Variants in ABL1 observed in about 807,000 individuals in gnomAD.
ABL1 encodes the protein ABL proto-oncogene 1, non-receptor tyrosine kinase.
A neutral mutation model predicts 94.7 loss-of-function variants in ABL1; 11 were observed. The ratio of observed to expected loss-of-function variants is 0.12; its 90% CI spans 0.07 to 0.19. ABL1 has a LOEUF of 0.19. Among genes scored for constraint, ABL1 ranks in the 10% least tolerant of loss-of-function variants. The probability of loss-of-function intolerance (pLI) is 1.00; values close to 1 mark genes in which losing one functional copy is unlikely to be tolerated. For synonymous variants in ABL1, 656 were observed against 622.4 expected (o/e 1.05, Z -0.80); for missense variants, 1,082 against 1,489.4 (o/e 0.73, Z 4.50).
At chr9:130,791,826 C>T (rs943025348) in intron 1 of ABL1, among the ~76,000 whole-genome samples, 3 of 152,174 alleles carry the variant, frequency 2.0e-5, no homozygotes, top group Admixed American at 1.3e-4. Flanking sequence ...TTGCAGACCT[C>T]ATATCGTGGG....
chr9:130,853,681 C>T (rs1462589585), intron 1 of ABL1, among the ~76,000 whole-genome samples: 2 of 152,152 alleles, frequency 1.3e-5, no homozygotes, highest in African/African-American at 4.8e-5. Context: ...TCCCAAAGTG[C>T]TGGGATTACG....
intron 1 of ABL1, among the ~76,000 whole-genome samples, chr9:130,734,523 C>CT (rs1381752821): frequency 0.032 from 3,574 of 112,524 alleles, 72 homozygotes; most frequent in Middle Eastern, 0.1. Context: ...CCTGAATCTT[C>CT]TTTTTTTTTT....
At chr9:130,770,409 A>G (rs1306019074) in intron 1 of ABL1, among the ~76,000 whole-genome samples, 5 of 152,212 alleles carry the variant, frequency 3.3e-5, no homozygotes, top group Non-Finnish European at 7.3e-5. Context: ...CAAGAGGCTG[A>G]GGCAGGAGGA....
At chr9:130,804,353 G>A (rs575149624) in intron 1 of ABL1, among the ~76,000 whole-genome samples, 7 of 152,254 alleles carry the variant, frequency 4.6e-5, no homozygotes, top group African/African-American at 1.7e-4. Flanking sequence ...TTGGGAGGCC[G>A]AGGTGGGCAG....
chr9:130,878,142 G>C (rs1422849421), intron 7 of ABL1, among the ~76,000 whole-genome samples: 1 of 151,818 alleles, frequency 6.6e-6, no homozygotes, highest in Non-Finnish European at 1.5e-5. Flanking sequence ...GTAGAGATGG[G>C]GTTTCGCCAT....
At chr9:130,771,046 T>C (rs894088918) in intron 1 of ABL1, among the ~76,000 whole-genome samples, 2 of 152,236 alleles carry the variant, frequency 1.3e-5, no homozygotes, top group African/African-American at 4.8e-5. Flanking sequence ...TACATTGTAT[T>C]GGGCCTGGAT....
intron 1 of ABL1, among the ~76,000 whole-genome samples, chr9:130,731,001 T>C (rs1831658327): frequency 2.6e-5 from 3 of 115,918 alleles, no homozygotes; most frequent in South Asian, 3.2e-4. Context: ...TATCTCTCTT[T>C]TTTTTTTTTT....
intron 1 of ABL1, among the ~76,000 whole-genome samples, chr9:130,826,979 G>A (rs1830434694): frequency 6.6e-6 from 1 of 152,192 alleles, no homozygotes; most frequent in Non-Finnish European, 1.5e-5. Context: ...TCAGGAGGCT[G>A]AGGCAGGAGA....
chr9:130,844,066 G>A lies in ABL1; in HGVS notation c.79+8541G>A, dbSNP rs184483563. Among the ~76,000 whole-genome samples the A allele has an allele frequency of 3.3e-4, 50 of 152,230 alleles. 1 individual carries two copies. The highest frequency in any genetic ancestry group is 8.7e-4 in the African/African-American group (36 of 41,554). On this transcript the variant is annotated intron_variant, in intron 1 of 10. Coordinates refer to ENST00000318560, the MANE Select transcript of ABL1 (RefSeq NM_005157.6). ...TCCCAGCATTGCCCCCGATGACACT[G>A]CCAGTAAGTGGTAGCTGACCATTGG...
At chr9:130,878,690 A>G in intron 8 of ABL1, 123 bp downstream of exon 8, 1 of 1,176,172 alleles carries the variant, frequency 8.5e-7, no homozygotes, top group South Asian at 1.5e-5. Flanking sequence ...AGTTCTTCAG[A>G]TGCAGCTAAT....
At chr9:130,832,790 T>C (rs1830507966), upstream of ABL1, among the ~76,000 whole-genome samples, 2 of 152,248 alleles carry the variant, frequency 1.3e-5, no homozygotes, top group Non-Finnish European at 2.9e-5. Flanking sequence ...CTTGGGGTGT[T>C]CTTCTGGTAA....
At chr9:130,871,704 T>A (rs994431224) in intron 4 of ABL1, among the ~76,000 whole-genome samples, 3 of 152,272 alleles carry the variant, frequency 2.0e-5, no homozygotes, top group Non-Finnish European at 4.4e-5. Flanking sequence ...TTCAGATTCT[T>A]CAGGTGATGT....
At position 130,885,372 on chromosome 9, in the gene ABL1, A is replaced by G; in HGVS notation, c.3082A>G (p.Thr1028Ala). The G allele has an allele frequency of 6.2e-7, 1 of 1,613,602 alleles. No homozygotes were observed. The highest frequency in any genetic ancestry group is 2.2e-5 in the East Asian group (1 of 44,850). ...AGAGCGGATCGCCAGCGGCGCCATCACCAAGGGCGTGGTCCTGGACAGCAC... is the reference window on the plus strand; with the variant it reads ...AGAGCGGATCGCCAGCGGCGCCATCGCCAAGGGCGTGGTCCTGGACAGCAC... ...PPERIASGAI[T>A]KGVVLDSTEA... The change falls in exon 11 of 11, where the codon ACC becomes GCC. Residue 1028 changes from threonine (T) to alanine (A), a missense_variant. Around this residue, in one of 7 missense-constraint regions of ABL1, gnomAD observed 780 missense variants for 835.8 expected, o/e 0.93. Transcript: ENST00000318560.
intron 1 of ABL1, among the ~76,000 whole-genome samples, chr9:130,765,479 T>G (rs1049510802): frequency 6.6e-6 from 1 of 152,234 alleles, no homozygotes; most frequent in Non-Finnish European, 1.5e-5. Flanking sequence ...TCATGATCCA[T>G]TTTTGTACAT....
At chr9:130,771,526 A>G (rs1588232936) in intron 1 of ABL1, among the ~76,000 whole-genome samples, 1 of 152,170 alleles carries the variant, frequency 6.6e-6, no homozygotes, top group East Asian at 1.9e-4. Context: ...TAAGTGTTCC[A>G]AATATCTTCA....
At chr9:130,822,127 C>T (rs1410370336) in intron 1 of ABL1, among the ~76,000 whole-genome samples, 1 of 152,122 alleles carries the variant, frequency 6.6e-6, no homozygotes, top group Non-Finnish European at 1.5e-5. Context: ...CGTGAGCCAC[C>T]ATGCCTGGCA....
intron 4 of ABL1, among the ~76,000 whole-genome samples, chr9:130,871,039 C>G (rs537517917): frequency 6.6e-6 from 1 of 152,324 alleles, no homozygotes; most frequent in Non-Finnish European, 1.5e-5. Flanking sequence ...GAAAGTTGAT[C>G]AAGCCTTCCT....
chr9:130,877,802 G>A (rs1204923268), intron 7 of ABL1, among the ~76,000 whole-genome samples: 1 of 138,888 alleles, frequency 7.2e-6, no homozygotes, highest in Non-Finnish European at 1.5e-5. Flanking sequence ...CACCACACCT[G>A]GCTAAATTTT....
At chr9:130,718,352 C>T (rs905113698) in intron 1 of ABL1, among the ~76,000 whole-genome samples, 3 of 149,170 alleles carry the variant, frequency 2.0e-5, no homozygotes, top group Non-Finnish European at 4.4e-5. Context: ...CTACCATTTA[C>T]CATGTTTTGA....
Sources: allele counts gnomAD v4.1 joint callset (sites outside exome capture counted in the v4.1 genomes callset), GRCh38; gene constraint gnomAD v4.1.1; regional missense constraint gnomAD v4.1.1; transcripts MANE v1.5; gene names NCBI Gene and HGNC (gene_info 2026-07-23, HGNC 2026-07-21).